The following PARP9 variants were observed in gnomAD, a reference collection of about 807,000 sequenced individuals.
PARP9 encodes the protein protein mono-ADP-ribosyltransferase PARP9.
A neutral mutation model predicts 68.8 loss-of-function variants in PARP9; 48 were observed. The observed-to-expected ratio is 0.70, with a 90% CI of 0.55 to 0.89. The LOEUF (loss-of-function observed/expected upper bound fraction) is 0.89, where lower values mean the gene tolerates loss of function less well. Ranked by LOEUF, PARP9 falls within the 40% of genes least tolerant of loss-of-function variation. The probability of loss-of-function intolerance (pLI) is 0.00; values close to 1 mark genes in which losing one functional copy is unlikely to be tolerated. For missense variants in PARP9, 806 were observed against 969.3 expected (o/e 0.83, Z 2.24); for synonymous variants, 309 against 333.8 (o/e 0.93, Z 0.81).
chr3:122,529,234 T>TAAA (rs59705545), intron 10 of PARP9, among the ~76,000 whole-genome samples: 42 of 77,208 alleles, frequency 5.4e-4, no homozygotes, highest in South Asian at 1.3e-3. Flanking sequence ...GCGAAACTCT[T>TAAA]AAAAAAAAAA....
In PARP9 at chr3:122,537,009, T is replaced by C; in HGVS notation, c.1830A>G (p.Lys610=). Residue 610 remains lysine, a synonymous_variant, in exon 9 of 11, where the codon AAA becomes AAG. Transcript: ENST00000682323. ...DEMKENIIFL[K]CPVPPTQELL... ...GCTCTTGAGTTGGAGGCACAGGACA[T>C]TTCAGAAATATGATATTTTCTTTCA... is the stretch of plus-strand genomic sequence containing the variant. 1 of 1,613,840 alleles carries C rather than the reference T, an allele frequency of 6.2e-7. No homozygotes were observed. Among genetic ancestry groups the C allele is most frequent in the Non-Finnish European group, 8.5e-7 (1 of 1,179,762 alleles).
chr3:122,539,563 CTTTCT>C (rs202002355), intron 8 of PARP9, among the ~76,000 whole-genome samples: 1 of 80,544 alleles, frequency 1.2e-5, no homozygotes. Flanking sequence ...TTCTTTCTTT[CTTTCT>C]TTTTTTTTTG....
At chr3:122,555,217 A>G in intron 4 of PARP9, 69 bp downstream of exon 4, 1 of 1,415,482 alleles carries the variant, frequency 7.1e-7, no homozygotes, top group South Asian at 1.4e-5. Flanking sequence ...TGCATAGTGT[A>G]CACTCAAAAA....
At chr3:122,534,327 A>G (rs2077493522) in intron 10 of PARP9, 1 of 985,090 alleles carries the variant, frequency 1.0e-6, no homozygotes, top group African/African-American at 1.7e-5. Context: ...CTGATAGGCA[A>G]TGAACCTGGA....
rs776157235 is a variant in PARP9, at chr3:122,550,782, C to T, written c.1128G>A (p.Lys376=). 1.2e-6 allele frequency: 2 copies of T among 1,613,790 alleles called. No individual in the cohort carries two copies. The highest frequency in any genetic ancestry group is 2.2e-5 in the South Asian group (2 of 91,064). The change falls in exon 6 of 11, where the codon AAG becomes AAA. Residue 376 remains lysine (K), a synonymous_variant. Transcript: ENST00000682323. The part of the protein sequence containing the change: ...PKPQILKHAM[K]ECLEKCIEQN... ...GCTCAATGCATTTTTCCAAACACTCCTTCATTGCATGTTTTAATATCTGCA... is the reference window on the plus strand; with the variant it reads ...GCTCAATGCATTTTTCCAAACACTCTTTCATTGCATGTTTTAATATCTGCA...
chr3:122,543,360 C>T (rs990136279), intron 7 of PARP9, among the ~76,000 whole-genome samples: 2 of 152,074 alleles, frequency 1.3e-5, no homozygotes, highest in East Asian at 3.9e-4. Context: ...TCACTGCAAT[C>T]TCCACCTCCC....
chr3:122,534,539 C>G (rs2077509268), intron 10 of PARP9: 1 of 679,580 alleles, frequency 1.5e-6, no homozygotes, highest in Non-Finnish European at 1.8e-6. Context: ...TTTTATATCA[C>G]TATATAATGA....
intron 7 of PARP9, among the ~76,000 whole-genome samples, chr3:122,542,394 T>C (rs914616455): frequency 6.7e-6 from 1 of 150,154 alleles, no homozygotes; most frequent in African/African-American, 2.4e-5. Context: ...TGGCCAATAA[T>C]CATAATAATA....
intron 8 of PARP9, 37 bp downstream of exon 8, chr3:122,540,435 G>T: frequency 6.2e-7 from 1 of 1,602,182 alleles, no homozygotes; most frequent in South Asian, 1.1e-5. Flanking sequence ...AAACAATGGG[G>T]AGAATTTACT....
intron 6 of PARP9, among the ~76,000 whole-genome samples, chr3:122,549,877 A>G (rs777529265): frequency 6.6e-6 from 1 of 152,130 alleles, no homozygotes; most frequent in Non-Finnish European, 1.5e-5. Context: ...GAAATGAGAG[A>G]GGATTGGCTA....
chr3:122,558,407 A>G lies in PARP9; in HGVS notation c.49+27T>C, dbSNP rs892171281. On this transcript the variant is annotated intron_variant, in intron 3 of 10. Transcript: ENST00000682323. ...AAGATCTGAGCAAAGACTTTCTGAA[A>G]CAAGAGTGAGAGCGAGGTAATCCTA... 9 of 1,614,042 alleles carry G rather than the reference A, an allele frequency of 5.6e-6. No homozygotes were observed. Among genetic ancestry groups the G allele is most frequent in the Non-Finnish European group, 6.8e-6 (8 of 1,179,980 alleles).
chr3:122,547,117 T>C (rs901182273), intron 6 of PARP9, among the ~76,000 whole-genome samples: 2 of 143,084 alleles, frequency 1.4e-5, no homozygotes, highest in South Asian at 2.3e-4. Flanking sequence ...TTTTTCTTTT[T>C]TTTTTTTTTT....
intron 7 of PARP9, among the ~76,000 whole-genome samples, chr3:122,543,206 C>T (rs778883990): frequency 5.3e-5 from 8 of 151,884 alleles, no homozygotes; most frequent in Non-Finnish European, 1.0e-4. Context: ...CCACCGTGCC[C>T]GGCTGAATTA....
chr3:122,539,829 G>A (rs1576393957), intron 8 of PARP9, among the ~76,000 whole-genome samples: 2 of 152,092 alleles, frequency 1.3e-5, no homozygotes, highest in African/African-American at 4.8e-5. Context: ...CTCCCAAAGT[G>A]CCGGGATTAC....
chr3:122,549,619 A>T (rs2107672590), intron 6 of PARP9, among the ~76,000 whole-genome samples: 1 of 152,080 alleles, frequency 6.6e-6, no homozygotes, highest in South Asian at 2.1e-4. Context: ...CTTTTCTACA[A>T]AAAATTTAAA....
intron 8 of PARP9, among the ~76,000 whole-genome samples, chr3:122,539,517 T>TTCTG: frequency 3.5e-5 from 1 of 28,212 alleles, no homozygotes; most frequent in African/African-American, 1.2e-4. Flanking sequence ...ATTTCTTTCT[T>TTCTG]TCTTTCTTTC....
At chr3:122,563,866 G>T (rs757005151) in intron 1 of PARP9, among the ~76,000 whole-genome samples, 20 of 152,010 alleles carry the variant, frequency 1.3e-4, no homozygotes, top group Non-Finnish European at 2.9e-5. Context: ...TGGGCAGCAA[G>T]AAACAATTCA....
In PARP9 at chr3:122,540,756, T is replaced by G; in HGVS notation, c.1481A>C (p.Glu494Ala). The G allele has an allele frequency of 9.3e-6, 15 of 1,614,148 alleles. No homozygotes were observed. Among genetic ancestry groups the G allele is most frequent in the Non-Finnish European group, 1.3e-5 (15 of 1,179,994 alleles). ...GATTCTTTGGATCCATGCGTGGGCC[T>G]CATACATCTCTTCCACGTTGAATCC... ...LMGFNVEEMYEAHAWIQRILS... is the reference protein window; with the variant it reads ...LMGFNVEEMYAAHAWIQRILS... The change falls in exon 8 of 11, where the codon GAG becomes GCG. Residue 494 changes from glutamate (E) to alanine (A), a missense_variant. By Grantham distance (107) the Glu-to-Ala change is moderately radical (BLOSUM62 -1). This residue lies in a region of PARP9 where 680 missense variants were observed against 858.8 expected (regional missense o/e 0.79). Transcript: ENST00000682323.
Position 122,555,696 on chromosome 3 carries a change from T to C in PARP9, c.475A>G (p.Ile159Val), listed in dbSNP as rs1362574323. The C allele has an allele frequency of 1.9e-6, 3 of 1,613,988 alleles. No individual in the cohort carries two copies. Among genetic ancestry groups the C allele is most frequent in the Admixed American group, 1.7e-5 (1 of 59,984 alleles). ...GAGRLPCKQIIHAVGPRWMEW... is the reference protein window; with the variant it reads ...GAGRLPCKQIVHAVGPRWMEW... ...ATCCACCGAGGCCCAACAGCATGGA[T>C]GATCTGTTTGCAGGGAAGCCTCCCT... is the stretch of plus-strand genomic sequence containing the variant. The change falls in exon 4 of 11, where the codon ATC becomes GTC. Residue 159 changes from isoleucine (I) to valine (V), a missense_variant. Transcript: ENST00000682323.
Sources: allele counts gnomAD v4.1 joint callset (sites outside exome capture counted in the v4.1 genomes callset), GRCh38; gene constraint gnomAD v4.1.1; regional missense constraint gnomAD v4.1.1; transcripts MANE v1.5; gene names NCBI Gene and HGNC (gene_info 2026-07-23, HGNC 2026-07-21).